TMEM41B: variants seen among roughly 807,000 people sequenced by gnomAD.
The protein encoded by TMEM41B is protein stasimon.
A neutral mutation model predicts 31.9 loss-of-function variants in TMEM41B; 18 were observed. The ratio of observed to expected loss-of-function variants is 0.56; its 90% CI spans 0.39 to 0.84. The LOEUF (loss-of-function observed/expected upper bound fraction) is 0.84. Among genes scored for constraint, TMEM41B ranks in the 40% least tolerant of loss-of-function variants. The pLI, the probability that TMEM41B is intolerant of heterozygous loss-of-function variation, is 0.00. For missense variants in TMEM41B, 322 were observed against 348.0 expected, an observed-to-expected ratio of 0.93 and a Z score of 0.59; for synonymous variants, 144 against 124.3, an observed-to-expected ratio of 1.16 and a Z score of -1.05.
intron 1 of TMEM41B, among the ~76,000 whole-genome samples, chr11:9,306,454 G>A (rs1384817656): frequency 5.9e-5 from 9 of 151,954 alleles, no homozygotes; most frequent in Non-Finnish European, 8.8e-5. Flanking sequence ...AGGTCGAGGC[G>A]GTCGGATCAT....
At chr11:9,301,265 G>T (rs1206692052) in intron 1 of TMEM41B, among the ~76,000 whole-genome samples, 1 of 151,922 alleles carries the variant, frequency 6.6e-6, no homozygotes, top group Admixed American at 6.6e-5. Context: ...CATGGTGGTG[G>T]GCGCCTGTAG....
At chr11:9,297,727 G>T (rs557756248) in intron 2 of TMEM41B, among the ~76,000 whole-genome samples, 43 of 151,770 alleles carry the variant, frequency 2.8e-4, no homozygotes, top group Middle Eastern at 6.8e-3. Flanking sequence ...ATACAGATGG[G>T]GTCTCGCTAT....
At position 9,283,546 on chromosome 11, in the gene TMEM41B, A is replaced by T. The variant is rs893712537; in HGVS notation, c.754T>A (p.Tyr252Asn). Residue 252 changes from tyrosine to asparagine, a missense_variant, in exon 7 of 7, where the codon TAT (tyrosine) becomes AAT (asparagine). This residue lies in a region of TMEM41B where 92 missense variants were observed against 88.0 expected (regional missense o/e 1.05). Transcript: ENST00000528080. ...GCTTCTCCTGCTGTTGTAAGTTGATACAGTGTTGTTCCTGCCTTAATGGCT... is the reference window on the plus strand; with the variant it reads ...GCTTCTCCTGCTGTTGTAAGTTGATTCAGTGTTGTTCCTGCCTTAATGGCT... ...FVAIKAGTTL[Y>N]QLTTAGEAVS... is the part of the protein sequence containing the mutation. 1.9e-6 allele frequency: 3 copies of T among 1,613,480 alleles called. No individual in the cohort carries two copies. In the South Asian group the frequency reaches 3.3e-5, roughly 18 times the overall value.
At position 9,283,269 on chromosome 11, in the gene TMEM41B, G is replaced by C. The variant is rs981842981; in HGVS notation, c.*155C>G. 1.3e-4 allele frequency: 80 copies of C among 599,108 alleles called. 3 individuals are homozygous for C. The South Asian group carries it at 1.7e-3, about 12-fold the overall frequency. The allele number at this position is 599,108 out of a possible 1,614,324, so 37.1% of individuals were successfully genotyped here. On this transcript the variant is annotated 3_prime_UTR_variant, in exon 7 of 7. Coordinates refer to ENST00000528080, the MANE Select transcript of TMEM41B (RefSeq NM_015012.4). ...TCCATTTTTACTTTCTTCTCCCCTT[G>C]TCACTTAAATGTATTACTTTAACTA...
intron 5 of TMEM41B, 64 bp downstream of exon 5, chr11:9,287,638 G>T (rs574048016): frequency 4.5e-6 from 5 of 1,109,446 alleles, no homozygotes; most frequent in East Asian, 4.9e-5. Context: ...TTCATGTAGG[G>T]ACTAAACACA....
In TMEM41B at chr11:9,283,416, G is replaced by T. The variant is rs995146570; in HGVS notation, c.*8C>A. On this transcript the variant is annotated 3_prime_UTR_variant, in exon 7 of 7. Coordinates refer to ENST00000528080, the MANE Select transcript of TMEM41B (RefSeq NM_015012.4). ...ATGACAGCAAAACTAAAAATCAGAT[G>T]ATTATTTTTACTCAAATTTCTGCTT... 5 of 1,600,620 alleles carry T rather than the reference G, an allele frequency of 3.1e-6. No individual in the cohort carries two copies. Among genetic ancestry groups the T allele is most frequent in the Admixed American group, 3.5e-5 (2 of 57,672 alleles).
chr11:9,286,416 C>A, intron 6 of TMEM41B, 39 bp downstream of exon 6: 3 of 1,581,712 alleles, frequency 1.9e-6, no homozygotes, highest in Admixed American at 1.8e-5. Context: ...TAGATATGTA[C>A]ACAGTGAGCT....
chr11:9,295,146 C>T, intron 3 of TMEM41B, 113 bp downstream of exon 3: 1 of 1,140,756 alleles, frequency 8.8e-7, no homozygotes, highest in Non-Finnish European at 1.2e-6. Flanking sequence ...TTAATATTGT[C>T]ACACTGCAAT....
chr11:9,283,614 A>T (rs751028181), intron 6 of TMEM41B, 21 bp from the exon 7 acceptor site: 11 of 1,588,644 alleles, frequency 6.9e-6, no homozygotes, highest in Non-Finnish European at 9.4e-6. Flanking sequence ...ATATAAAAAG[A>T]TACAGTAAAA....
At chr11:9,312,903 C>CAAAAAAAAAAAAA (rs36030741) in intron 1 of TMEM41B, among the ~76,000 whole-genome samples, 2 of 95,340 alleles carry the variant, frequency 2.1e-5, no homozygotes, top group Non-Finnish European at 4.2e-5. Flanking sequence ...GACTCCGTCT[C>CAAAAAAAAAAAAA]AAAAAAAAAA....
At chr11:9,299,059 T>C (rs1463315595) in intron 2 of TMEM41B, among the ~76,000 whole-genome samples, 2 of 151,596 alleles carry the variant, frequency 1.3e-5, no homozygotes, top group Non-Finnish European at 2.9e-5. Flanking sequence ...GGCAGGTGGA[T>C]CACCTGAGGT....
At chr11:9,307,308 T>A (rs543287248) in intron 1 of TMEM41B, among the ~76,000 whole-genome samples, 2 of 152,298 alleles carry the variant, frequency 1.3e-5, no homozygotes, top group African/African-American at 4.8e-5. Flanking sequence ...CCAACAAGTC[T>A]CTTAAGGTCA....
intron 2 of TMEM41B, among the ~76,000 whole-genome samples, chr11:9,296,003 C>T (rs1297665425): frequency 2.0e-5 from 3 of 151,096 alleles, no homozygotes; most frequent in Non-Finnish European, 2.9e-5. Flanking sequence ...ATTACAGGCA[C>T]GTCCCACCAT....
chr11:9,284,777 A>AAAGG lies in TMEM41B; in HGVS notation c.707-1185_707-1184insCCTT, dbSNP rs368425302. 3.5e-3 allele frequency among the ~76,000 whole-genome samples: 5 copies of AAAGG among 1,410 alleles called. No individual in the cohort carries two copies. The South Asian group carries it at 0.42, about 118-fold the overall frequency. The allele number at this position is 1,410 out of a possible 152,430, so 0.9% of individuals were successfully genotyped here. Reference sequence around the variant, plus strand: ...GAATCTGTCTCAAAAAGAGAAAAAAAAAGAAAGAAACGTGCTCTGTTCTAG... The same window carrying AAAGG: ...GAATCTGTCTCAAAAAGAGAAAAAAAAAGGAAGAAAGAAACGTGCTCTGTTCTAG... On this transcript the variant is annotated intron_variant, in intron 6 of 6. Transcript: ENST00000528080.
intron 1 of TMEM41B, among the ~76,000 whole-genome samples, chr11:9,300,617 G>A (rs1406293623): frequency 2.6e-5 from 4 of 152,156 alleles, no homozygotes; most frequent in Admixed American, 1.3e-4. Context: ...GGTGGCTCAC[G>A]CCTGTAATCC....
At chr11:9,292,991 T>C (rs1256768349) in intron 3 of TMEM41B, among the ~76,000 whole-genome samples, 1 of 152,202 alleles carries the variant, frequency 6.6e-6, no homozygotes, top group Non-Finnish European at 1.5e-5. Context: ...TGCTATTCTC[T>C]TTTTTCATTT....
intron 1 of TMEM41B, among the ~76,000 whole-genome samples, chr11:9,303,189 TTG>T (rs1853298137): frequency 6.6e-6 from 1 of 152,228 alleles, no homozygotes; most frequent in Admixed American, 6.5e-5. Flanking sequence ...CTAATTTTTT[TTG>T]TATTTTTAGT....
intron 3 of TMEM41B, among the ~76,000 whole-genome samples, chr11:9,291,338 C>T (rs948773026): frequency 6.6e-6 from 1 of 151,788 alleles, no homozygotes; most frequent in East Asian, 2.0e-4. Context: ...GCCGAGATCG[C>T]GTCGCTACAC....
intron 1 of TMEM41B, among the ~76,000 whole-genome samples, chr11:9,309,829 G>A (rs1482688438): frequency 6.6e-6 from 1 of 150,770 alleles, no homozygotes; most frequent in East Asian, 2.1e-4. Context: ...GGCTGAGGCA[G>A]GAGAATGGCG....
Sources: allele counts gnomAD v4.1 joint callset (sites outside exome capture counted in the v4.1 genomes callset), GRCh38; gene constraint gnomAD v4.1.1; regional missense constraint gnomAD v4.1.1; transcripts MANE v1.5; gene names NCBI Gene and HGNC (gene_info 2026-07-23, HGNC 2026-07-21).